MBNL3: variants seen among roughly 807,000 people sequenced by gnomAD.
MBNL3 encodes muscleblind-like protein 3.
In MBNL3, 6 loss-of-function variants were observed where a neutral mutation model predicts 24.5. That is an observed-to-expected ratio of 0.25 (90% confidence interval 0.13 to 0.48). The LOEUF (loss-of-function observed/expected upper bound fraction) is 0.48. MBNL3 is among the 20% of genes least tolerant of loss of function. MBNL3 has a pLI of 0.99. For missense variants in MBNL3, 230 were observed against 293.5 expected, an observed-to-expected ratio of 0.78 and a Z score of 1.58; for synonymous variants, 100 against 101.7, an observed-to-expected ratio of 0.98 and a Z score of 0.10.
intron 2 of MBNL3, chrX:132,411,358 C>T: frequency 1.3e-6 from 1 of 753,818 alleles, no homozygotes; most frequent in Non-Finnish European, 1.6e-6. Flanking sequence ...ACATTTTGAT[C>T]TCCCAATGAC....
intron 1 of MBNL3, among the ~76,000 whole-genome samples, chrX:132,443,289 T>C (rs146884469): frequency 0.053 from 5,950 of 111,766 alleles, 143 homozygotes; most frequent in Middle Eastern, 0.088. Context: ...CAAAGCCTGG[T>C]GGTAGAGCCA....
rs762998575 is a variant in MBNL3 at position 132,438,312 on chromosome X, G to A, written c.177+1123C>T. 2.5e-4 allele frequency among the ~76,000 whole-genome samples: 28 copies of A among 111,643 alleles called. No individual in the cohort carries two copies. The South Asian group carries it at 0.01, about 40-fold the overall frequency. On this transcript the variant is annotated intron_variant, in intron 2 of 8. Transcript: ENST00000370853. Reference sequence around the variant, plus strand: ...CAAATATTCTAAAATCCAAAAAATCGAAAACACTTTCAGTCTCAAGCATTT... The same window carrying A: ...CAAATATTCTAAAATCCAAAAAATCAAAAACACTTTCAGTCTCAAGCATTT...
At chrX:132,388,882 C>A (rs986454065) in intron 5 of MBNL3, among the ~76,000 whole-genome samples, 4 of 111,545 alleles carry the variant, frequency 3.6e-5, no homozygotes, top group Admixed American at 2.9e-4. Flanking sequence ...TCATGAAGCC[C>A]TCCTTTATTT....
intron 1 of MBNL3, among the ~76,000 whole-genome samples, chrX:132,446,599 T>A (rs1945735445): frequency 8.9e-6 from 1 of 111,847 alleles, no homozygotes; most frequent in Admixed American, 9.5e-5. Context: ...TTTGATGGGG[T>A]TGTTTGTTTT....
At position 132,458,139 on chromosome X, in the gene MBNL3, G is replaced by A. The variant is rs1195780310; in HGVS notation, c.-703-17825C>T. Among the ~76,000 whole-genome samples the A allele has an allele frequency of 2.7e-5, 3 of 110,913 alleles. No individual in the cohort carries two copies. In the South Asian group the frequency reaches 1.1e-3, roughly 42 times the overall value. ...TATAAATTTATTCACTAAACACACA[G>A]TAAGAACTAACTCAGGGCCACATAA... is the stretch of plus-strand genomic sequence containing the variant. On this transcript the variant is annotated intron_variant, in intron 1 of 8. Transcript: ENST00000370853.
intron 3 of MBNL3, among the ~76,000 whole-genome samples, chrX:132,405,969 T>C (rs1259753280): frequency 9.1e-6 from 1 of 109,994 alleles, no homozygotes; most frequent in African/African-American, 3.3e-5. Context: ...TTCAAAGGTT[T>C]CCATGTAATA....
intron 1 of MBNL3, among the ~76,000 whole-genome samples, chrX:132,473,577 A>T (rs1467459085): frequency 9.0e-6 from 1 of 111,370 alleles, no homozygotes; most frequent in Admixed American, 9.6e-5. Context: ...GCAGCATAAA[A>T]AGCTAAAAGC....
At chrX:132,462,687 T>C (rs1569458305) in intron 1 of MBNL3, among the ~76,000 whole-genome samples, 1 of 108,282 alleles carries the variant, frequency 9.2e-6, no homozygotes, top group Non-Finnish European at 1.9e-5. Flanking sequence ...TGTGTGTGTG[T>C]GTGCATGCAT....
At chrX:132,455,802 GCTTTAAATC>G (rs1946341028) in intron 1 of MBNL3, among the ~76,000 whole-genome samples, 1 of 111,968 alleles carries the variant, frequency 8.9e-6, no homozygotes, top group Admixed American at 9.4e-5. Flanking sequence ...ATCTTCTGTA[GCTTTAAATC>G]CCTGGAGAAA....
At chrX:132,482,230 G>A (rs1379966636) in intron 1 of MBNL3, among the ~76,000 whole-genome samples, 1 of 112,359 alleles carries the variant, frequency 8.9e-6, no homozygotes, top group African/African-American at 3.2e-5. Context: ...GATTTTGAAA[G>A]TTCCCAACAC....
chrX:132,376,320 T>C lies in MBNL3; in HGVS notation c.*3346A>G, dbSNP rs1232382180. 8.9e-6 allele frequency: 1 copy of C among 112,210 alleles called. No individual in the cohort carries two copies. The highest frequency in any genetic ancestry group is 1.9e-5 in the Non-Finnish European group (1 of 53,112). 9.2% of individuals were successfully genotyped at this position (112,210 alleles called of 1,213,427 possible). On this transcript the variant is annotated 3_prime_UTR_variant, in exon 9 of 9. Coordinates refer to ENST00000370853, the MANE Select transcript of MBNL3 (RefSeq NM_001386889.1). Reference sequence around the variant, plus strand: ...GCTTCAATTACAAAAGTAAATACTGTATTTAAATAGCAATTTTATGAATCC... The same window carrying C: ...GCTTCAATTACAAAAGTAAATACTGCATTTAAATAGCAATTTTATGAATCC...
chrX:132,418,420 C>T (rs190042961), intron 2 of MBNL3, among the ~76,000 whole-genome samples: 7 of 111,793 alleles, frequency 6.3e-5, no homozygotes, highest in African/African-American at 1.6e-4. Context: ...GACGCATGCC[C>T]AAGCTGACAT....
chrX:132,478,065 T>C (rs1442840413), intron 1 of MBNL3, among the ~76,000 whole-genome samples: 1 of 111,914 alleles, frequency 8.9e-6, no homozygotes, highest in Non-Finnish European at 1.9e-5. Context: ...AAACAATTTT[T>C]GAGCCCTTTA....
At chrX:132,424,178 C>G (rs1012550266) in intron 2 of MBNL3, among the ~76,000 whole-genome samples, 4 of 111,922 alleles carry the variant, frequency 3.6e-5, no homozygotes, top group Non-Finnish European at 5.6e-5. Flanking sequence ...ATTGCATTTG[C>G]TCCTGTAGCC....
At chrX:132,413,543 G>T (rs1377441244) in intron 2 of MBNL3, 1 of 1,159,320 alleles carries the variant, frequency 8.6e-7, no homozygotes, top group Non-Finnish European at 1.2e-6. Flanking sequence ...GCCTTCATTT[G>T]CCCAGAGTAA....
intron 1 of MBNL3, among the ~76,000 whole-genome samples, chrX:132,486,832 AG>A (rs1319551967): frequency 8.9e-6 from 1 of 111,928 alleles, no homozygotes; most frequent in African/African-American, 3.3e-5. Flanking sequence ...TGGACAGTTG[AG>A]GAAAAAAAAG....
At chrX:132,453,051 A>G (rs1001508634) in intron 1 of MBNL3, among the ~76,000 whole-genome samples, 3 of 111,931 alleles carry the variant, frequency 2.7e-5, no homozygotes, top group Non-Finnish European at 5.6e-5. Flanking sequence ...AGCAGCATGA[A>G]TAAGGGCTGG....
intron 2 of MBNL3, among the ~76,000 whole-genome samples, chrX:132,415,383 G>A (rs373582561): frequency 8.9e-6 from 1 of 112,060 alleles, no homozygotes; most frequent in African/African-American, 3.2e-5. Flanking sequence ...AGAGTATAAG[G>A]TGAGAAAGGC....
chrX:132,402,917 A>G (rs1273635211), intron 3 of MBNL3, among the ~76,000 whole-genome samples: 1 of 112,156 alleles, frequency 8.9e-6, no homozygotes, highest in Non-Finnish European at 1.9e-5. Context: ...GGTATCCTAG[A>G]AACAGATCAA....
Sources: gnomAD v4.1 joint callset for allele counts (sites outside exome capture counted in the v4.1 genomes callset) on GRCh38, gnomAD v4.1.1 for gene constraint, MANE v1.5 for transcripts, NCBI Gene and HGNC (gene_info 2026-07-23, HGNC 2026-07-21) for gene names.